The following ACO2 variants were observed in gnomAD, a reference collection of about 807,000 sequenced individuals.
ACO2 encodes aconitase 2.
ACO2 carries 31 observed loss-of-function variants against 84.5 expected under a neutral mutation model. The ratio of observed to expected loss-of-function variants is 0.37; its 90% CI spans 0.28 to 0.50. The LOEUF (loss-of-function observed/expected upper bound fraction) is 0.50. ACO2 is among the 20% of genes least tolerant of loss of function. ACO2 has a pLI of 0.97. For missense variants in ACO2, 685 were observed against 1,029.3 expected (o/e 0.67, Z 4.58); for synonymous variants, 414 against 412.7 (o/e 1.00, Z -0.04).
chr22:41,518,607 TGA>T (rs772939527), intron 8 of ACO2, 35 bp downstream of exon 8: 2 of 1,523,144 alleles, frequency 1.3e-6, no homozygotes, highest in East Asian at 2.3e-5. Context: ...AAGAAGTTTC[TGA>T]GAGTAGTGGG....
At chr22:41,510,117 T>A (rs2066423607) in intron 3 of ACO2, among the ~76,000 whole-genome samples, 1 of 152,174 alleles carries the variant, frequency 6.6e-6, no homozygotes, top group Non-Finnish European at 1.5e-5. Flanking sequence ...ATTATAGGTG[T>A]GAGCCACCAC....
At chr22:41,484,347 G>T (rs1362536936) in intron 1 of ACO2, among the ~76,000 whole-genome samples, 3 of 152,130 alleles carry the variant, frequency 2.0e-5, no homozygotes, top group Admixed American at 1.3e-4. Context: ...CTAGTGCTTG[G>T]TGCCTTGCTT....
In ACO2 at chr22:41,469,167, G is replaced by T; in HGVS notation, c.21G>T (p.Leu7=). The part of the protein sequence containing the change: MAPYSL[L]VTRLQKALGV... ...ACAAAATGGCGCCCTACAGCCTACT[G>T]GTGACTCGGCTGCAGGTGAGCGAGC... The change falls in exon 1 of 18, where the codon CTG becomes CTT. Residue 7 remains leucine, a synonymous_variant. Transcript: ENST00000216254. 1 of 1,609,112 alleles carries T rather than the reference G, an allele frequency of 6.2e-7. No homozygotes were observed. Among genetic ancestry groups the T allele is most frequent in the Non-Finnish European group, 8.5e-7 (1 of 1,177,600 alleles).
chr22:41,494,133 G>C (rs115876088), intron 1 of ACO2, among the ~76,000 whole-genome samples: 1 of 152,326 alleles, frequency 6.6e-6, no homozygotes, highest in African/African-American at 2.4e-5. Context: ...CAGTGATTAA[G>C]GGTGAAATGT....
rs1376059703 is a variant in ACO2 at position 41,510,828 on chromosome 22, C to T, written c.433-1048C>T. ...ATGGCTACAGCCCGTGTCATCATTT[C>T]GTTTGGCTGAAACCTCCTTTTCAGA... On this transcript the variant is annotated intron_variant, in intron 3 of 17. Transcript: ENST00000216254. Among the ~76,000 whole-genome samples, 5 of 152,314 alleles carry T rather than the reference C, an allele frequency of 3.3e-5. No individual in the cohort carries two copies. In the South Asian group the frequency reaches 6.2e-4, roughly 19 times the overall value.
At chr22:41,501,160 T>C (rs2066351205) in intron 2 of ACO2, among the ~76,000 whole-genome samples, 1 of 152,108 alleles carries the variant, frequency 6.6e-6, no homozygotes, top group Non-Finnish European at 1.5e-5. Flanking sequence ...TGAGCCACCA[T>C]GCTCACCTAC....
intron 15 of ACO2, chr22:41,526,961 A>G (rs2066611620): frequency 6.9e-6 from 3 of 436,092 alleles, no homozygotes; most frequent in Non-Finnish European, 1.2e-5. Context: ...TCACAGATGC[A>G]TCTTGTGTGG....
chr22:41,499,657 T>C (rs1328678506), intron 1 of ACO2, 69 bp from the exon 2 acceptor site: 2 of 1,543,820 alleles, frequency 1.3e-6, no homozygotes, highest in East Asian at 4.6e-5. Context: ...TTCACCATAC[T>C]GAGCTGCCCT....
chr22:41,482,258 C>T (rs2038096494), intron 1 of ACO2, among the ~76,000 whole-genome samples: 1 of 152,236 alleles, frequency 6.6e-6, no homozygotes, highest in South Asian at 2.1e-4. Flanking sequence ...GACCAACAAC[C>T]CCCTGGAGGA....
At chr22:41,522,448 C>A (rs1368010244) in intron 9 of ACO2, among the ~76,000 whole-genome samples, 1 of 152,104 alleles carries the variant, frequency 6.6e-6, no homozygotes, top group African/African-American at 2.4e-5. Flanking sequence ...TCTTTAAAAC[C>A]CAGAAAATAC....
rs1057518832 is a variant in ACO2, at chr22:41,499,765, C to T, written c.76C>T (p.Leu26=). The change falls in exon 2 of 18, where the codon CTG becomes TTG. Residue 26 remains leucine, a synonymous_variant. Transcript: ENST00000216254. ...GCGGCAGTACCATGTGGCCTCAGTC[C>T]TGTGCCAACGGGCCAAGGTGGCGAT... ...GVRQYHVASV[L]CQRAKVAMSH... 5 of 1,613,720 alleles carry T rather than the reference C, an allele frequency of 3.1e-6. No homozygotes were observed. The highest frequency in any genetic ancestry group is 1.3e-5 in the African/African-American group (1 of 74,938).
intron 4 of ACO2, among the ~76,000 whole-genome samples, chr22:41,512,926 C>T (rs2066445390): frequency 6.6e-6 from 1 of 152,218 alleles, no homozygotes; most frequent in Non-Finnish European, 1.5e-5. Flanking sequence ...CTTCCCCCCA[C>T]CTCCATCCCA....
At chr22:41,520,324 C>T (rs781424373) in intron 9 of ACO2, 48 bp downstream of exon 9, 1 of 1,499,082 alleles carries the variant, frequency 6.7e-7, no homozygotes, top group South Asian at 1.1e-5. Context: ...GGGCCAGTGG[C>T]TCTGCCCAGG....
chr22:41,491,390 A>G (rs922326532), intron 1 of ACO2, among the ~76,000 whole-genome samples: 1 of 152,216 alleles, frequency 6.6e-6, no homozygotes, highest in Non-Finnish European at 1.5e-5. Context: ...GGAGAGGAGA[A>G]AGAGAGGCAC....
At position 41,469,191 on chromosome 22, in the gene ACO2, G is replaced by A. The variant is rs1477301479; in HGVS notation, c.36+9G>A. On this transcript the variant is annotated intron_variant, in intron 1 of 17. Transcript: ENST00000216254. ...TGGTGACTCGGCTGCAGGTGAGCGA[G>A]CTCAGGGACCTCTGGGTTCACGGGG... 1.2e-6 allele frequency: 2 copies of A among 1,606,920 alleles called. No individual in the cohort carries two copies. The highest frequency in any genetic ancestry group is 1.7e-6 in the Non-Finnish European group (2 of 1,176,476).
At chr22:41,509,733 G>A (rs1433917959) in intron 3 of ACO2, among the ~76,000 whole-genome samples, 1 of 151,672 alleles carries the variant, frequency 6.6e-6, no homozygotes, top group African/African-American at 2.4e-5. Context: ...GGCAGGGGCA[G>A]CCAGGAACGC....
rs1478871442 is a variant in ACO2, at chr22:41,516,043, T to G, written c.835+126T>G. ...GTCTGTTCCATTTGGGGACTTGGGATAGACAGAGGTAGAAGGAAAATTGGA... is the reference window on the plus strand; with the variant it reads ...GTCTGTTCCATTTGGGGACTTGGGAGAGACAGAGGTAGAAGGAAAATTGGA... On this transcript the variant is annotated intron_variant, in intron 6 of 17. Transcript: ENST00000216254. The G allele has an allele frequency of 1.1e-5, 14 of 1,244,086 alleles. No homozygotes were observed. The East Asian group carries it at 3.6e-4, about 32-fold the overall frequency. The allele number at this position is 1,244,086 out of a possible 1,614,324, so 77.1% of individuals were successfully genotyped here. A position where few individuals can be genotyped will look rare whatever the true frequency, so the allele number is the denominator to read the frequency against.
At chr22:41,475,855 G>A (rs960229826) in intron 1 of ACO2, among the ~76,000 whole-genome samples, 6 of 148,592 alleles carry the variant, frequency 4.0e-5, no homozygotes, top group Admixed American at 2.7e-4. Context: ...CCGAGATCGC[G>A]CCACTGCACT....
intron 1 of ACO2, among the ~76,000 whole-genome samples, chr22:41,492,730 G>A (rs1300065946): frequency 2.0e-5 from 3 of 152,012 alleles, no homozygotes; most frequent in South Asian, 2.1e-4. Context: ...CCGAGATCAC[G>A]CCATTGCACT....
Sources: gnomAD v4.1 joint callset for allele counts (sites outside exome capture counted in the v4.1 genomes callset) on GRCh38, gnomAD v4.1.1 for gene constraint, MANE v1.5 for transcripts, NCBI Gene and HGNC (gene_info 2026-07-23, HGNC 2026-07-21) for gene names.